The following MIPOL1 variants were observed in gnomAD, a reference collection of about 807,000 sequenced individuals.
MIPOL1 encodes the protein mirror-image polydactyly gene 1 protein.
In MIPOL1, 57 loss-of-function variants were observed where a neutral mutation model predicts 60.9. The observed-to-expected ratio is 0.94, with a 90% CI of 0.76 to 1.17. The LOEUF (loss-of-function observed/expected upper bound fraction) is 1.17. MIPOL1 is among the 50% of genes most tolerant of loss of function. The pLI, the probability that MIPOL1 is intolerant of heterozygous loss-of-function variation, is 0.00. For synonymous variants in MIPOL1, 179 were observed against 168.8 expected (o/e 1.06, Z -0.47); for missense variants, 551 against 511.6 (o/e 1.08, Z -0.74).
chr14:37,202,709 A>G (rs1389732535), intron 1 of MIPOL1, among the ~76,000 whole-genome samples: 1 of 152,186 alleles, frequency 6.6e-6, no homozygotes, highest in African/African-American at 2.4e-5. Context: ...TTGTGAGTCC[A>G]ATTGTAGTCA....
chr14:37,551,340 T>C (rs2153645745), downstream of MIPOL1: 1 of 152,258 alleles, frequency 6.6e-6, no homozygotes, highest in South Asian at 2.1e-4. Context: ...GTACTAGATA[T>C]GCACTATAAA....
At chr14:37,426,594 T>C (rs8006861) in intron 11 of MIPOL1, among the ~76,000 whole-genome samples, 29,080 of 125,400 alleles carry the variant, frequency 0.23, 4,272 homozygotes, top group South Asian at 0.36. Context: ...TATATATATA[T>C]ACACACACAC....
chr14:37,280,314 C>T (rs1226060387), intron 6 of MIPOL1, among the ~76,000 whole-genome samples: 7 of 152,098 alleles, frequency 4.6e-5, no homozygotes, highest in African/African-American at 1.4e-4. Context: ...ATACTTCTTT[C>T]GACTCCTTTG....
intron 7 of MIPOL1, among the ~76,000 whole-genome samples, chr14:37,290,081 T>G (rs1052505096): frequency 1.3e-5 from 2 of 152,238 alleles, no homozygotes; most frequent in African/African-American, 4.8e-5. Context: ...TATCCTTGTA[T>G]TCAAATTTTT....
chr14:37,209,599 G>A (rs925818887), intron 1 of MIPOL1, among the ~76,000 whole-genome samples: 20 of 152,186 alleles, frequency 1.3e-4, no homozygotes, highest in African/African-American at 4.8e-4. Context: ...GGCGGAGGTT[G>A]CAGTGAGCTG....
intron 3 of MIPOL1, among the ~76,000 whole-genome samples, chr14:37,263,653 A>G (rs1382653298): frequency 6.6e-6 from 1 of 152,230 alleles, no homozygotes; most frequent in African/African-American, 2.4e-5. Context: ...CAGACTTCAT[A>G]ACTTTTGAAT....
intron 12 of MIPOL1, among the ~76,000 whole-genome samples, chr14:37,544,011 TG>T (rs1276649444): frequency 1.3e-5 from 2 of 152,328 alleles, no homozygotes; most frequent in East Asian, 3.9e-4. Context: ...AAAATAGTTT[TG>T]TTTTAAATAT....
intron 11 of MIPOL1, among the ~76,000 whole-genome samples, chr14:37,490,576 T>C (rs774718048): frequency 2.6e-5 from 4 of 152,118 alleles, no homozygotes; most frequent in Non-Finnish European, 4.4e-5. Flanking sequence ...AGGACCTTGG[T>C]GGCGTAGGCA....
intron 11 of MIPOL1, among the ~76,000 whole-genome samples, chr14:37,477,072 G>A (rs1328227751): frequency 6.6e-6 from 1 of 151,642 alleles, no homozygotes; most frequent in East Asian, 2.0e-4. Flanking sequence ...GGTAATTTTT[G>A]TATTTTTGAC....
intron 7 of MIPOL1, among the ~76,000 whole-genome samples, chr14:37,291,643 T>G (rs1276373191): frequency 1.3e-5 from 2 of 152,062 alleles, no homozygotes; most frequent in Non-Finnish European, 2.9e-5. Flanking sequence ...AATAATAGAG[T>G]ATCTGGGACT....
At chr14:37,298,975 G>A (rs1470970473) in intron 7 of MIPOL1, among the ~76,000 whole-genome samples, 1 of 151,268 alleles carries the variant, frequency 6.6e-6, no homozygotes, top group Non-Finnish European at 1.5e-5. Flanking sequence ...TATAAATCAT[G>A]CTGCTATAAA....
intron 9 of MIPOL1, among the ~76,000 whole-genome samples, chr14:37,339,415 G>A (rs890866780): frequency 6.6e-6 from 1 of 152,150 alleles, no homozygotes; most frequent in African/African-American, 2.4e-5. Context: ...GCAGTTGAAC[G>A]TAGGTCTACC....
At chr14:37,365,404 GT>G (rs1364266231) in intron 9 of MIPOL1, among the ~76,000 whole-genome samples, 3 of 152,026 alleles carry the variant, frequency 2.0e-5, no homozygotes, top group African/African-American at 7.2e-5. Context: ...TTTTTTGAGT[GT>G]TTTTATCATG....
At chr14:37,498,487 T>G (rs1255339025) in intron 11 of MIPOL1, among the ~76,000 whole-genome samples, 3 of 152,016 alleles carry the variant, frequency 2.0e-5, no homozygotes, top group African/African-American at 7.2e-5. Context: ...CAGACAAGAA[T>G]GCAGAAAGTG....
At chr14:37,247,498 ATAAAG>A (rs1973370489) in intron 2 of MIPOL1, among the ~76,000 whole-genome samples, 1 of 151,956 alleles carries the variant, frequency 6.6e-6, no homozygotes, top group Non-Finnish European at 1.5e-5. Context: ...TTTATGACAA[ATAAAG>A]TAAAAATGTA....
intron 7 of MIPOL1, among the ~76,000 whole-genome samples, chr14:37,287,498 C>T (rs891082295): frequency 6.6e-6 from 1 of 152,118 alleles, no homozygotes; most frequent in Admixed American, 6.5e-5. Context: ...ATGTGATCCT[C>T]TCACCTTGGC....
chr14:37,435,303 T>A (rs1258795310), intron 11 of MIPOL1, among the ~76,000 whole-genome samples: 1 of 152,194 alleles, frequency 6.6e-6, no homozygotes, highest in African/African-American at 2.4e-5. Flanking sequence ...ATGTGTTTTC[T>A]CTGCCTGGAG....
chr14:37,412,005 A>T (rs1358408132), intron 10 of MIPOL1, among the ~76,000 whole-genome samples: 1 of 152,148 alleles, frequency 6.6e-6, no homozygotes, highest in African/African-American at 2.4e-5. Flanking sequence ...GATGGATATT[A>T]TCACTTTCAT....
chr14:37,494,369 T>C (rs1460179893), intron 11 of MIPOL1, among the ~76,000 whole-genome samples: 2 of 152,164 alleles, frequency 1.3e-5, no homozygotes, highest in East Asian at 1.9e-4. Context: ...AAGATTTAGA[T>C]TGAAGACCCA....
Sources: gnomAD v4.1 joint callset for allele counts (sites outside exome capture counted in the v4.1 genomes callset) on GRCh38, gnomAD v4.1.1 for gene constraint, MANE v1.5 for transcripts, NCBI Gene and HGNC (gene_info 2026-07-23, HGNC 2026-07-21) for gene names.